The following PTPRM variants were observed in gnomAD, a reference collection of about 807,000 sequenced individuals.
PTPRM encodes protein tyrosine phosphatase receptor type M.
PTPRM carries 47 observed loss-of-function variants against 186.7 expected under a neutral mutation model. The observed-to-expected ratio is 0.25, with a 90% CI of 0.20 to 0.32. The LOEUF is 0.32. Ranked by LOEUF, PTPRM falls within the 10% of genes least tolerant of loss-of-function variation. PTPRM has a pLI of 1.00. For synonymous variants in PTPRM, 668 were observed against 674.9 expected (o/e 0.99, Z 0.16); for missense variants, 1,494 against 1,865.0 (o/e 0.80, Z 3.66).
intron 2 of PTPRM, among the ~76,000 whole-genome samples, chr18:7,870,001 A>G (rs1214572466): frequency 6.6e-6 from 1 of 152,162 alleles, no homozygotes; most frequent in Non-Finnish European, 1.5e-5. Flanking sequence ...TCTGAAATGA[A>G]AAGTAAAACT....
At chr18:7,754,789 C>T (rs1047599201) in intron 1 of PTPRM, 5 of 152,236 alleles carry the variant, frequency 3.3e-5, no homozygotes, top group Admixed American at 3.3e-4. Context: ...CCACAGAGAG[C>T]TGGATAGTCC....
intron 14 of PTPRM, among the ~76,000 whole-genome samples, chr18:8,243,080 C>T (rs1295733378): frequency 6.6e-6 from 1 of 152,174 alleles, no homozygotes; most frequent in Non-Finnish European, 1.5e-5. Flanking sequence ...CTTGGGTACA[C>T]AAAACAATCT....
rs138863427 is a variant in PTPRM at position 8,359,969 on chromosome 18, C to T, written c.3055-10921C>T. On this transcript the variant is annotated intron_variant, in intron 23 of 32. Transcript: ENST00000580170. ...ATTCTTTTCTCCTTTCTCTACTTTCCAAATCTACTCCCTGAGCCCTTCCTC... is the reference window on the plus strand; with the variant it reads ...ATTCTTTTCTCCTTTCTCTACTTTCTAAATCTACTCCCTGAGCCCTTCCTC... Among the ~76,000 whole-genome samples the T allele has an allele frequency of 1.3e-3, 205 of 152,286 alleles. 2 individuals carry two copies. The East Asian group carries it at 0.024, about 18-fold the overall frequency.
intron 14 of PTPRM, among the ~76,000 whole-genome samples, chr18:8,209,687 G>A (rs1019505421): frequency 6.6e-6 from 1 of 151,960 alleles, no homozygotes; most frequent in African/African-American, 2.4e-5. Flanking sequence ...GAGGCAATTA[G>A]GGTAGACCCT....
At chr18:7,604,267 G>C (rs2037475789) in intron 1 of PTPRM, among the ~76,000 whole-genome samples, 1 of 152,190 alleles carries the variant, frequency 6.6e-6, no homozygotes, top group Non-Finnish European at 1.5e-5. Flanking sequence ...GGATCTGGAG[G>C]GTTAAGAGTG....
intron 1 of PTPRM, among the ~76,000 whole-genome samples, chr18:7,669,766 A>G (rs2039176882): frequency 6.6e-6 from 1 of 152,148 alleles, no homozygotes. Context: ...CTTGTTGCCC[A>G]GGCTGGAGTG....
intron 1 of PTPRM, among the ~76,000 whole-genome samples, chr18:7,726,818 T>C (rs2040559377): frequency 6.6e-6 from 1 of 152,214 alleles, no homozygotes; most frequent in Admixed American, 6.5e-5. Context: ...ACTTAAGATT[T>C]CATGACTTTT....
At chr18:7,984,602 T>TATATATATATATATATATATAC (rs1214502563) in intron 7 of PTPRM, among the ~76,000 whole-genome samples, 1 of 87,170 alleles carries the variant, frequency 1.1e-5, no homozygotes, top group Non-Finnish European at 2.1e-5. Context: ...TATATATATA[T>TATATATATATATATATATATAC]ACACACACAC....
At chr18:8,318,757 T>C (rs2095327034) in intron 21 of PTPRM, among the ~76,000 whole-genome samples, 1 of 152,272 alleles carries the variant, frequency 6.6e-6, no homozygotes, top group South Asian at 2.1e-4. Flanking sequence ...AGGATCACTA[T>C]TGATATAACT....
chr18:7,616,354 C>G (rs1389696639), intron 1 of PTPRM, among the ~76,000 whole-genome samples: 1 of 152,154 alleles, frequency 6.6e-6, no homozygotes, highest in East Asian at 1.9e-4. Flanking sequence ...AGTTGGGGGT[C>G]TCACAGTGTT....
intron 20 of PTPRM, among the ~76,000 whole-genome samples, chr18:8,308,804 G>A (rs1850776065): frequency 6.6e-6 from 1 of 152,122 alleles, no homozygotes; most frequent in African/African-American, 2.4e-5. Flanking sequence ...AATTGTTTAA[G>A]TTCATTAAAA....
intron 30 of PTPRM, among the ~76,000 whole-genome samples, chr18:8,384,962 TGAGA>T (rs2095762494): frequency 6.6e-6 from 1 of 152,036 alleles, no homozygotes; most frequent in African/African-American, 2.4e-5. Flanking sequence ...TTGCAGTGGG[TGAGA>T]GAGAGTGGGC....
At chr18:8,254,833 G>A (rs137877552) in intron 19 of PTPRM, among the ~76,000 whole-genome samples, 4 of 152,324 alleles carry the variant, frequency 2.6e-5, no homozygotes, top group Non-Finnish European at 5.9e-5. Context: ...TAGGAATAAG[G>A]CTTTGGTCCA....
At chr18:8,193,889 T>A (rs2093741008) in intron 14 of PTPRM, among the ~76,000 whole-genome samples, 1 of 152,248 alleles carries the variant, frequency 6.6e-6, no homozygotes, top group South Asian at 2.1e-4. Flanking sequence ...CCAAATTGTT[T>A]CAGACACACT....
intron 19 of PTPRM, among the ~76,000 whole-genome samples, chr18:8,286,456 C>G (rs2094958256): frequency 1.3e-5 from 2 of 152,324 alleles, no homozygotes; most frequent in South Asian, 4.1e-4. Context: ...TGCTCCATAC[C>G]AGTGCAGGCT....
At chr18:8,272,093 A>T (rs2094779117) in intron 19 of PTPRM, among the ~76,000 whole-genome samples, 1 of 151,792 alleles carries the variant, frequency 6.6e-6, no homozygotes, top group African/African-American at 2.4e-5. Context: ...GGCGCCTGTA[A>T]TCCCAGCTAC....
At chr18:7,667,950 T>C (rs1286777689) in intron 1 of PTPRM, among the ~76,000 whole-genome samples, 1 of 152,192 alleles carries the variant, frequency 6.6e-6, no homozygotes, top group African/African-American at 2.4e-5. Context: ...ATTTTTTTTT[T>C]CTTTACATGC....
intron 8 of PTPRM, among the ~76,000 whole-genome samples, chr18:8,074,153 C>T (rs1466890324): frequency 6.6e-6 from 1 of 152,150 alleles, no homozygotes; most frequent in African/African-American, 2.4e-5. Context: ...GGCATACTAT[C>T]TATGAGTCCT....
At chr18:8,366,898 GTGCAGGTAGCGCTGGGC>G (rs1451825721) in intron 23 of PTPRM, 1 of 152,260 alleles carries the variant, frequency 6.6e-6, no homozygotes, top group East Asian at 1.9e-4. Context: ...CCTAGAAGCT[GTGCAGGTAGCGCTGGGC>G]TGCAGGAGGC....
Sources: gnomAD v4.1 joint callset for allele counts (sites outside exome capture counted in the v4.1 genomes callset) on GRCh38, gnomAD v4.1.1 for gene constraint, MANE v1.5 for transcripts, NCBI Gene and HGNC (gene_info 2026-07-23, HGNC 2026-07-21) for gene names.